The following DNAH7 variants were observed in gnomAD, a reference collection of about 807,000 sequenced individuals.
DNAH7 encodes the protein axonemal beta dynein heavy chain 7.
A neutral mutation model predicts 444.6 loss-of-function variants in DNAH7; 397 were observed. That is an observed-to-expected ratio of 0.89 (90% confidence interval 0.82 to 0.97). The LOEUF (loss-of-function observed/expected upper bound fraction) is 0.97, where lower values mean the gene tolerates loss of function less well. Ranked by LOEUF, DNAH7 falls within the 50% of genes least tolerant of loss-of-function variation. The pLI is 0.00. For synonymous variants in DNAH7, 1,636 were observed against 1,624.4 expected (o/e 1.01, Z -0.17); for missense variants, 4,902 against 4,800.8 (o/e 1.02, Z -0.62).
rs545208828 is a variant in DNAH7 at position 195,873,615 on chromosome 2, G to A, written c.6366C>T (p.Ser2122=). ...AGATTCTAGAGAAGATTGTATACAT[G>A]GATTTATCACTAAACTCATTGATTG... ...IITINEFSDK[S]MYTIFSRILT... The change falls in exon 39 of 65, where the codon TCC becomes TCT. Residue 2122 remains serine, a synonymous_variant. Coordinates refer to ENST00000312428, the MANE Select transcript of DNAH7 (RefSeq NM_018897.3). The A allele has an allele frequency of 6.7e-7, 1 of 1,494,474 alleles. No homozygotes were observed. The allele number at this position is 1,494,474 out of a possible 1,614,324, so 92.6% of individuals were successfully genotyped here.
At chr2:195,935,278 A>G (rs1156948529) in intron 20 of DNAH7, among the ~76,000 whole-genome samples, 7 of 152,178 alleles carry the variant, frequency 4.6e-5, no homozygotes, top group African/African-American at 1.4e-4. Context: ...GTATCCAACT[A>G]TTAGTCTATT....
At chr2:195,789,584 G>C (rs1385403582) in intron 57 of DNAH7, among the ~76,000 whole-genome samples, 1 of 152,066 alleles carries the variant, frequency 6.6e-6, no homozygotes, top group South Asian at 2.1e-4. Context: ...CCTGGCAAAG[G>C]AGAAAGCAGT....
intron 61 of DNAH7, among the ~76,000 whole-genome samples, chr2:195,762,112 A>C (rs562461709): frequency 6.6e-6 from 1 of 152,226 alleles, no homozygotes; most frequent in East Asian, 1.9e-4. Context: ...TAAAGTGTAG[A>C]GTTTTTATTA....
chr2:195,784,973 A>G (rs951790195), intron 58 of DNAH7, among the ~76,000 whole-genome samples: 4 of 146,642 alleles, frequency 2.7e-5, no homozygotes, highest in African/African-American at 1.0e-4. Context: ...TGCAGTGGGC[A>G]TGATCTCGGC....
rs910829927 is a variant in DNAH7 at position 195,996,904 on chromosome 2, C to T, written c.1353+3800G>A. ...ATCCATGGGGCATTTGCCTACTATTCCCCCAGTGGGCATTTCAGGAAATCA... is the reference window on the plus strand; with the variant it reads ...ATCCATGGGGCATTTGCCTACTATTTCCCCAGTGGGCATTTCAGGAAATCA... On this transcript the variant is annotated intron_variant, in intron 12 of 64. Coordinates refer to ENST00000312428, the MANE Select transcript of DNAH7 (RefSeq NM_018897.3). Among the ~76,000 whole-genome samples the T allele has an allele frequency of 1.2e-4, 19 of 152,252 alleles. 1 individual carries two copies. In the South Asian group the frequency reaches 1.9e-3, roughly 15 times the overall value.
chr2:195,914,270 C>G (rs1687535326), intron 24 of DNAH7, among the ~76,000 whole-genome samples: 1 of 152,188 alleles, frequency 6.6e-6, no homozygotes, highest in African/African-American at 2.4e-5. Flanking sequence ...AGTAGCTAAT[C>G]AAAATTGCTT....
intron 2 of DNAH7, among the ~76,000 whole-genome samples, chr2:196,051,534 G>A (rs1697467158): frequency 1.3e-5 from 2 of 152,162 alleles, no homozygotes; most frequent in South Asian, 4.1e-4. Flanking sequence ...CTGGGAGGCT[G>A]AGGTGGGCGG....
chr2:195,894,541 T>C (rs1702195179), intron 30 of DNAH7: 1 of 152,490 alleles, frequency 6.6e-6, no homozygotes, highest in African/African-American at 2.4e-5. Flanking sequence ...GTGATGTGTA[T>C]AAGAATTCTG....
chr2:196,027,895 T>C, intron 6 of DNAH7, 65 bp downstream of exon 6: 1 of 1,481,816 alleles, frequency 6.7e-7, no homozygotes, highest in Non-Finnish European at 9.3e-7. Flanking sequence ...GTCTCCAAAG[T>C]ATAAAATTAT....
intron 47 of DNAH7, among the ~76,000 whole-genome samples, chr2:195,840,241 T>TA (rs914188831): frequency 3.3e-5 from 5 of 151,590 alleles, no homozygotes; most frequent in Non-Finnish European, 7.4e-5. Context: ...TTTAACAGAC[T>TA]AAACATAAAA....
intron 46 of DNAH7, among the ~76,000 whole-genome samples, chr2:195,847,405 A>C (rs1415468141): frequency 6.6e-6 from 1 of 151,986 alleles, no homozygotes; most frequent in East Asian, 1.9e-4. Flanking sequence ...GAAACCAAAC[A>C]CTGCATGTTC....
chr2:196,051,205 A>G lies in DNAH7; in HGVS notation c.123T>C (p.Ala41=). 1 of 1,613,904 alleles carries G rather than the reference A, an allele frequency of 6.2e-7. No individual in the cohort carries two copies. The highest frequency in any genetic ancestry group is 1.7e-4 in the Middle Eastern group (1 of 6,052). ...AAGTTACCATAGACAGCTGTGGTAA[A>G]GCTCTTGCTGGTGCCTTGAACTTTT... ...SKEKFKAPAR[A]LPQLSMVSTK... is the part of the protein sequence containing the mutation. Residue 41 remains alanine (A), a synonymous_variant, in exon 3 of 65, where the codon GCT becomes GCC. Coordinates refer to ENST00000312428, the MANE Select transcript of DNAH7 (RefSeq NM_018897.3).
At chr2:196,068,072 A>G (rs1455597773) in intron 1 of DNAH7, among the ~76,000 whole-genome samples, 1 of 152,226 alleles carries the variant, frequency 6.6e-6, no homozygotes, top group East Asian at 1.9e-4. Context: ...AAAAAGAGAA[A>G]GAAAAGCAGC....
intron 28 of DNAH7, 36 bp from the exon 29 acceptor site, chr2:195,897,801 C>T (rs1275568509): frequency 2.4e-6 from 3 of 1,245,958 alleles, no homozygotes; most frequent in Non-Finnish European, 3.4e-6. Context: ...AGGATATCTG[C>T]ATCTCCTAAC....
rs550315217 is a variant in DNAH7 at position 195,838,505 on chromosome 2, T to C, written c.8946-4145A>G. ...GATAATGAGCACCAAATGGAAATTT[T>C]AGAACTGAAAAACATAATATCTGAA... is the stretch of plus-strand genomic sequence containing the variant. On this transcript the variant is annotated intron_variant, in intron 47 of 64. Transcript: ENST00000312428. Among the ~76,000 whole-genome samples, 25 of 152,094 alleles carry C rather than the reference T, an allele frequency of 1.6e-4. No homozygotes were observed. In the South Asian group the frequency reaches 5.0e-3, roughly 30 times the overall value.
At chr2:195,742,362 A>G (rs186185540) in intron 63 of DNAH7, among the ~76,000 whole-genome samples, 1 of 152,344 alleles carries the variant, frequency 6.6e-6, no homozygotes, top group Admixed American at 6.5e-5. Context: ...ACTGACTCGA[A>G]AACATTGCCC....
chr2:195,943,554 G>C (rs1044918243), intron 19 of DNAH7, among the ~76,000 whole-genome samples: 7 of 152,158 alleles, frequency 4.6e-5, no homozygotes, highest in African/African-American at 1.7e-4. Flanking sequence ...CTCTAAATGA[G>C]TGCTGTATCA....
At chr2:195,942,404 T>TGAAGAGGAG (rs1210186852) in intron 19 of DNAH7, among the ~76,000 whole-genome samples, 2 of 121,590 alleles carry the variant, frequency 1.6e-5, no homozygotes, top group African/African-American at 6.3e-5. Flanking sequence ...AGGAAGAAGA[T>TGAAGAGGAG]GAAGAGGAGG....
rs746430865 is a variant in DNAH7, at chr2:195,738,015, G to A, written c.11981C>T (p.Thr3994Met). The A allele has an allele frequency of 5.6e-6, 9 of 1,613,930 alleles. No homozygotes were observed. The highest frequency in any genetic ancestry group is 2.7e-5 in the African/African-American group (2 of 74,914). ...RGVLSTTGHS[T>M]NFVIAMTLPS... The stretch of plus-strand genomic sequence containing the variant: ...AAGAGTCATGGCAATCACAAAATTC[G>A]TGGAATGGCCAGTGGTGGATAATAC... The change falls in exon 65 of 65, where the codon ACG becomes ATG. Residue 3994 changes from threonine (T) to methionine (M), a missense_variant. Thr to Met is a moderately conservative substitution (Grantham distance 81, BLOSUM62 -1). Transcript: ENST00000312428.
Sources: gnomAD v4.1 joint callset for allele counts (sites outside exome capture counted in the v4.1 genomes callset) on GRCh38, gnomAD v4.1.1 for gene constraint, MANE v1.5 for transcripts, NCBI Gene and HGNC (gene_info 2026-07-23, HGNC 2026-07-21) for gene names.